ANO2: variants seen among roughly 807,000 people sequenced by gnomAD.
The protein encoded by ANO2 is anoctamin-2.
ANO2 carries 101 observed loss-of-function variants against 124.2 expected under a neutral mutation model. The ratio of observed to expected loss-of-function variants is 0.81; its 90% CI spans 0.69 to 0.96. ANO2 has a LOEUF of 0.96. ANO2 is among the 40% of genes least tolerant of loss of function. The pLI, the probability that ANO2 is intolerant of heterozygous loss-of-function variation, is 0.00. For synonymous variants in ANO2, 486 were observed against 482.5 expected (o/e 1.01, Z -0.09); for missense variants, 1,293 against 1,274.5 (o/e 1.01, Z -0.22).
chr12:5,624,006 G>A (rs1945261410), intron 16 of ANO2, among the ~76,000 whole-genome samples: 1 of 152,142 alleles, frequency 6.6e-6, no homozygotes, highest in Non-Finnish European at 1.5e-5. Flanking sequence ...CGCATGACCT[G>A]AGGGAGCTGA....
chr12:5,813,986 G>A (rs1197084895), intron 7 of ANO2, among the ~76,000 whole-genome samples: 3 of 152,176 alleles, frequency 2.0e-5, no homozygotes, highest in Non-Finnish European at 2.9e-5. Context: ...TGCCAGCTGT[G>A]TGCCTATCTT....
rs117959487 is a variant in ANO2 at position 5,779,511 on chromosome 12, C to T, written c.1055+19996G>A. 3.0e-4 allele frequency among the ~76,000 whole-genome samples: 46 copies of T among 152,278 alleles called. No individual in the cohort carries two copies. The East Asian group carries it at 6.4e-3, about 21-fold the overall frequency. ...AACATCCAAAAAGAATTCCTCCATG[C>T]GAAAAGTCATGGGTGAAAATCTGCG... On this transcript the variant is annotated intron_variant, in intron 10 of 24. Transcript: ENST00000682330.
At chr12:5,590,505 TA>T (rs1256905102) in intron 20 of ANO2, among the ~76,000 whole-genome samples, 1 of 152,164 alleles carries the variant, frequency 6.6e-6, no homozygotes, top group East Asian at 1.9e-4. Flanking sequence ...CAGAAAGGCT[TA>T]GAAATGTTTC....
At chr12:5,923,276 ACACG>A (rs1465696730) in intron 1 of ANO2, among the ~76,000 whole-genome samples, 2 of 147,652 alleles carry the variant, frequency 1.4e-5, no homozygotes, top group South Asian at 2.2e-4. Flanking sequence ...ACACACACAC[ACACG>A]CACACACACA....
chr12:5,771,273 CAG>C (rs1952072265), intron 10 of ANO2, among the ~76,000 whole-genome samples: 1 of 152,152 alleles, frequency 6.6e-6, no homozygotes, highest in Admixed American at 6.5e-5. Flanking sequence ...AAGCACAGCT[CAG>C]AGAGATTGAG....
intron 4 of ANO2, among the ~76,000 whole-genome samples, chr12:5,842,819 C>T (rs188468773): frequency 1.9e-3 from 287 of 152,328 alleles, no homozygotes; most frequent in African/African-American, 6.6e-3. Flanking sequence ...ATCCGCCACA[C>T]GGCCGTGACC....
intron 14 of ANO2, among the ~76,000 whole-genome samples, chr12:5,681,354 A>G (rs1948481645): frequency 6.6e-6 from 1 of 152,166 alleles, no homozygotes; most frequent in South Asian, 2.1e-4. Context: ...TGAATCATGA[A>G]TTTCACTTTT....
intron 16 of ANO2, among the ~76,000 whole-genome samples, chr12:5,619,677 A>G (rs1945012720): frequency 6.6e-6 from 1 of 152,178 alleles, no homozygotes; most frequent in Admixed American, 6.5e-5. Flanking sequence ...GAAAATGTCA[A>G]TAGTACCACT....
intron 22 of ANO2, among the ~76,000 whole-genome samples, chr12:5,577,351 G>A (rs1591653608): frequency 6.6e-6 from 1 of 152,246 alleles, no homozygotes; most frequent in African/African-American, 2.4e-5. Context: ...GGGACAGGAG[G>A]CCCTTCCTGG....
intron 14 of ANO2, among the ~76,000 whole-genome samples, chr12:5,695,686 C>CAA (rs766039926): frequency 1.8e-4 from 27 of 152,128 alleles, no homozygotes; most frequent in Non-Finnish European, 3.7e-4. Flanking sequence ...ACTAAAAATA[C>CAA]AAAAATTAGT....
intron 4 of ANO2, among the ~76,000 whole-genome samples, chr12:5,844,034 A>C (rs1315690672): frequency 1.3e-5 from 2 of 152,218 alleles, no homozygotes; most frequent in African/African-American, 4.8e-5. Flanking sequence ...AAAAGGTAAT[A>C]TCAGCTCGGG....
At chr12:5,770,877 T>C (rs1952057570) in intron 10 of ANO2, among the ~76,000 whole-genome samples, 1 of 152,186 alleles carries the variant, frequency 6.6e-6, no homozygotes, top group African/African-American at 2.4e-5. Flanking sequence ...CCCACTTCCA[T>C]GCCTCTGCCA....
chr12:5,863,555 A>T (rs1955338114), intron 3 of ANO2, among the ~76,000 whole-genome samples: 1 of 152,176 alleles, frequency 6.6e-6, no homozygotes, highest in Non-Finnish European at 1.5e-5. Flanking sequence ...CACTTGGAGG[A>T]GAGAAGGATA....
At chr12:5,680,125 G>A (rs1948428319) in intron 14 of ANO2, among the ~76,000 whole-genome samples, 1 of 152,234 alleles carries the variant, frequency 6.6e-6, no homozygotes, top group South Asian at 2.1e-4. Context: ...ACACACACTG[G>A]GGCCTGTTGG....
At chr12:5,903,618 T>TTG (rs1448661940) in intron 3 of ANO2, among the ~76,000 whole-genome samples, 1 of 151,134 alleles carries the variant, frequency 6.6e-6, no homozygotes, top group East Asian at 2.0e-4. Context: ...GTTCCAAGCA[T>TTG]TACAGTAAGA....
intron 20 of ANO2, among the ~76,000 whole-genome samples, chr12:5,591,982 C>A (rs1943417316): frequency 6.6e-6 from 1 of 152,164 alleles, no homozygotes; most frequent in South Asian, 2.1e-4. Context: ...AATGACTTGA[C>A]CCCTTAGGGA....
At chr12:5,910,642 A>G (rs1227766896) in intron 3 of ANO2, among the ~76,000 whole-genome samples, 4 of 152,184 alleles carry the variant, frequency 2.6e-5, no homozygotes, top group African/African-American at 9.7e-5. Context: ...CCTGAATTCT[A>G]TCCACAAAAC....
rs528721606 is a variant in ANO2, at chr12:5,831,957, T to C, written c.785+495A>G. 2.6e-5 allele frequency among the ~76,000 whole-genome samples: 4 copies of C among 152,156 alleles called. No homozygotes were observed. The South Asian group carries it at 8.3e-4, about 31-fold the overall frequency. ...ATCTCTGTGAAGAGCTTTTATTCAC[T>C]CTTCCTAGGCAGGGTGCAGGGACAG... On this transcript the variant is annotated intron_variant, in intron 5 of 24. Transcript: ENST00000682330.
rs1228900920 is a variant in ANO2, at chr12:5,657,485, C to G, written c.1546-9684G>C. ...GAAAAATGTGAAGAAGTGCAATATA[C>G]TTTTCCATTTTTTTTTTTTGTTATG... On this transcript the variant is annotated intron_variant, in intron 14 of 24. Transcript: ENST00000682330. Among the ~76,000 whole-genome samples the G allele has an allele frequency of 4.3e-5, 4 of 92,106 alleles. No individual in the cohort carries two copies. In the East Asian group the frequency reaches 1.2e-3, roughly 28 times the overall value. The allele number at this position is 92,106 out of a possible 152,430, so 60.4% of individuals were successfully genotyped here. A position where few individuals can be genotyped will look rare whatever the true frequency, so the allele number is the denominator to read the frequency against.
Sources: gnomAD v4.1 joint callset for allele counts (sites outside exome capture counted in the v4.1 genomes callset) on GRCh38, gnomAD v4.1.1 for gene constraint, MANE v1.5 for transcripts, NCBI Gene and HGNC (gene_info 2026-07-23, HGNC 2026-07-21) for gene names.